Variants in EYA1 observed in about 807,000 individuals in gnomAD.
EYA1 encodes the protein protein phosphatase EYA1.
In EYA1, 16 loss-of-function variants were observed where a neutral mutation model predicts 82.0. The ratio of observed to expected loss-of-function variants is 0.20; its 90% confidence interval spans 0.13 to 0.30. The LOEUF is 0.30. Among genes scored for constraint, EYA1 ranks in the 10% least tolerant of loss-of-function variants. The probability of loss-of-function intolerance (pLI) is 1.00; values close to 1 mark genes in which losing one functional copy is unlikely to be tolerated. For missense variants in EYA1, 633 were observed against 730.7 expected, an observed-to-expected ratio of 0.87 and a Z score of 1.54; for synonymous variants, 261 against 264.4, an observed-to-expected ratio of 0.99 and a Z score of 0.12.
intron 9 of EYA1, among the ~76,000 whole-genome samples, chr8:71,272,750 C>T (rs531742494): frequency 5.9e-5 from 9 of 152,318 alleles, no homozygotes; most frequent in South Asian, 2.1e-4. Flanking sequence ...CCAATACATA[C>T]ATCAGAATAT....
chr8:71,361,845 CGCTG>C lies in EYA1; in HGVS notation c.-257_-254del. ...TCGGCGCAGGGGGCAGGCGCCTGGC[CGCTG>C]CCGCAGGCTCGGGCTGCCGAGCGAC... On this transcript the variant is annotated 5_prime_UTR_variant, in exon 1 of 18. The change abolishes the stop of an existing upstream ORF in the 5' untranslated region. Coordinates refer to ENST00000340726, the MANE Select transcript of EYA1 (RefSeq NM_000503.6). The C allele has an allele frequency of 3.0e-6, 3 of 985,442 alleles. No homozygotes were observed. The highest frequency in any genetic ancestry group is 3.6e-6 in the Non-Finnish European group (3 of 829,938). The allele number at this position is 985,442 out of a possible 1,614,324, so 61.0% of individuals were successfully genotyped here.
At position 71,457,173 on chromosome 8, in the gene EYA1, T is replaced by C. The variant is rs144237330; in HGVS notation, c.33+78571A>G. 5.5e-3 allele frequency among the ~76,000 whole-genome samples: 834 copies of C among 152,232 alleles called. 8 individuals carry two copies. The highest frequency in any genetic ancestry group is 5.4e-3 in the Non-Finnish European group (365 of 67,994). On this transcript the variant is annotated intron_variant, in intron 2 of 18. Coordinates refer to the EYA1 transcript ENST00000643681. ...ACACATGAAAAAATGCTCATCATCA[T>C]TGGCCATCAGAGAAATGCAAATCAA...
intron 2 of EYA1, among the ~76,000 whole-genome samples, chr8:71,433,996 G>C (rs1805820145): frequency 6.6e-6 from 1 of 152,176 alleles, no homozygotes; most frequent in Non-Finnish European, 1.5e-5. Context: ...TTGCAGCGGT[G>C]GAGTTCCAGA....
At chr8:71,508,714 G>T (rs921316325) in intron 2 of EYA1, among the ~76,000 whole-genome samples, 1 of 152,096 alleles carries the variant, frequency 6.6e-6, no homozygotes, top group Non-Finnish European at 1.5e-5. Context: ...CACAGAATCT[G>T]CCGGCACCTT....
intron 11 of EYA1, among the ~76,000 whole-genome samples, chr8:71,266,211 G>T (rs1462294141): frequency 1.3e-5 from 2 of 152,162 alleles, no homozygotes; most frequent in Non-Finnish European, 2.9e-5. Flanking sequence ...GTAGAGTAAG[G>T]CTCAGCCACA....
chr8:71,406,973 T>C lies in EYA1; in HGVS notation c.34-50462A>G, dbSNP rs1324863002. Among the ~76,000 whole-genome samples, 4 of 136,958 alleles carry C rather than the reference T, an allele frequency of 2.9e-5. No homozygotes were observed. In the East Asian group the frequency reaches 7.9e-4, roughly 27 times the overall value. 89.8% of individuals were successfully genotyped at this position (136,958 alleles called of 152,430 possible). A position where few individuals can be genotyped will look rare whatever the true frequency, so the allele number is the denominator to read the frequency against. ...TAACCTCTGCAGACTTAAATGTCCC[T>C]GTCTGACAGCTCTGAAGAGAGCAGT... is the stretch of plus-strand genomic sequence containing the variant. On this transcript the variant is annotated intron_variant, in intron 2 of 18. Transcript: ENST00000643681.
intron 7 of EYA1, among the ~76,000 whole-genome samples, chr8:71,315,298 T>G (rs995223423): frequency 6.6e-6 from 1 of 152,262 alleles, no homozygotes; most frequent in East Asian, 1.9e-4. Flanking sequence ...TATGAAAGTT[T>G]CTAGATGCTA....
chr8:71,325,495 G>A (rs1236592072), intron 4 of EYA1, among the ~76,000 whole-genome samples: 1 of 152,192 alleles, frequency 6.6e-6, no homozygotes, highest in Non-Finnish European at 1.5e-5. Context: ...GTATGTGGTA[G>A]AGGGAATCAA....
chr8:71,521,373 G>A (rs1430092917), intron 2 of EYA1, among the ~76,000 whole-genome samples: 1 of 152,184 alleles, frequency 6.6e-6, no homozygotes, highest in East Asian at 1.9e-4. Flanking sequence ...GATACTCATA[G>A]TCTAATTGTT....
At chr8:71,277,248 C>T (rs1470097545) in intron 9 of EYA1, among the ~76,000 whole-genome samples, 1 of 148,230 alleles carries the variant, frequency 6.7e-6, no homozygotes, top group African/African-American at 2.5e-5. Flanking sequence ...AAGGGACCTG[C>T]AATATATATC....
intron 2 of EYA1, among the ~76,000 whole-genome samples, chr8:71,463,634 C>T (rs190797890): frequency 0.015 from 1,716 of 111,710 alleles, 65 homozygotes; most frequent in East Asian, 0.034. Flanking sequence ...TCTCTCTCTC[C>T]CTCCCTCCCC....
intron 12 of EYA1, among the ~76,000 whole-genome samples, chr8:71,219,685 T>G (rs988272079): frequency 6.6e-6 from 1 of 152,196 alleles, no homozygotes; most frequent in Non-Finnish European, 1.5e-5. Flanking sequence ...TTATTAACAT[T>G]TTAATTCATG....
In EYA1 at chr8:71,453,107, G is replaced by T. The variant is rs563790824; in HGVS notation, c.33+82637C>A. On this transcript the variant is annotated intron_variant, in intron 2 of 18. Transcript: ENST00000643681. Reference sequence around the variant, plus strand: ...GATGGAGCTGAAAACCATGGCACAAGAACTACGTGACGAATGCACAAGCTT... The same window carrying T: ...GATGGAGCTGAAAACCATGGCACAATAACTACGTGACGAATGCACAAGCTT... Among the ~76,000 whole-genome samples the T allele has an allele frequency of 3.3e-4, 51 of 152,300 alleles. 1 individual carries two copies. The South Asian group carries it at 0.011, about 32-fold the overall frequency.
intron 12 of EYA1, among the ~76,000 whole-genome samples, chr8:71,224,765 C>G (rs1298571375): frequency 2.0e-5 from 3 of 152,160 alleles, no homozygotes; most frequent in African/African-American, 7.2e-5. Flanking sequence ...ACACAGATGG[C>G]CTTACAGGGT....
intron 4 of EYA1, among the ~76,000 whole-genome samples, chr8:71,329,938 T>C (rs1419433463): frequency 6.6e-6 from 1 of 151,950 alleles, no homozygotes; most frequent in African/African-American, 2.4e-5. Flanking sequence ...CCGAGTCAAG[T>C]GGTCAGGGTG....
At chr8:71,387,001 G>T (rs949146328) in intron 2 of EYA1, among the ~76,000 whole-genome samples, 2 of 152,160 alleles carry the variant, frequency 1.3e-5, no homozygotes, top group Non-Finnish European at 2.9e-5. Flanking sequence ...AACATTTTCT[G>T]GTTCCTCATG....
chr8:71,328,360 C>A (rs1175167293), intron 4 of EYA1, among the ~76,000 whole-genome samples: 1 of 152,166 alleles, frequency 6.6e-6, no homozygotes, highest in African/African-American at 2.4e-5. Context: ...CAAGAGAATA[C>A]CGATTCCGGG....
intron 12 of EYA1, among the ~76,000 whole-genome samples, chr8:71,235,178 C>T (rs960416796): frequency 6.6e-6 from 1 of 152,174 alleles, no homozygotes; most frequent in African/African-American, 2.4e-5. Context: ...TTCACTCTTG[C>T]CCCGATTCCA....
intron 2 of EYA1, among the ~76,000 whole-genome samples, chr8:71,464,440 T>A (rs1808630587): frequency 1.3e-5 from 2 of 152,210 alleles, no homozygotes; most frequent in African/African-American, 4.8e-5. Flanking sequence ...GAAACAGCCA[T>A]CTTCATCGTT....
Sources: allele counts gnomAD v4.1 joint callset (sites outside exome capture counted in the v4.1 genomes callset), GRCh38; gene constraint gnomAD v4.1.1; transcripts MANE v1.5; gene names NCBI Gene and HGNC (gene_info 2026-07-23, HGNC 2026-07-21).